The following KCND2 variants were observed in gnomAD, a reference collection of about 807,000 sequenced individuals.
KCND2 encodes A-type voltage-gated potassium channel KCND2.
Under a neutral mutation model 54.4 loss-of-function variants are expected in KCND2, and 16 were observed. The observed-to-expected ratio is 0.29, with a 90% CI of 0.20 to 0.45. The LOEUF is 0.45. Ranked by LOEUF, KCND2 falls within the 20% of genes least tolerant of loss-of-function variation. The probability of loss-of-function intolerance (pLI) is 1.00; values close to 1 mark genes in which losing one functional copy is unlikely to be tolerated. For missense variants in KCND2, 486 were observed against 824.2 expected (o/e 0.59, Z 5.02); for synonymous variants, 317 against 310.7 (o/e 1.02, Z -0.21).
At chr7:120,722,289 C>G (rs1361661922) in intron 1 of KCND2, among the ~76,000 whole-genome samples, 1 of 152,124 alleles carries the variant, frequency 6.6e-6, no homozygotes, top group Non-Finnish European at 1.5e-5. Context: ...AGTGAGAACA[C>G]CAGGCCTTTC....
intron 1 of KCND2, among the ~76,000 whole-genome samples, chr7:120,361,216 G>A (rs1245443198): frequency 6.6e-6 from 1 of 151,572 alleles, no homozygotes; most frequent in Non-Finnish European, 1.5e-5. Flanking sequence ...CCTTAACCTT[G>A]AAAAAAAGGG....
At chr7:120,679,272 T>C (rs539159948) in intron 1 of KCND2, among the ~76,000 whole-genome samples, 55 of 152,070 alleles carry the variant, frequency 3.6e-4, no homozygotes, top group African/African-American at 1.3e-3. Flanking sequence ...ATATGCTATT[T>C]CCAATGAGTT....
chr7:120,340,118 GACTT>G (rs768003123), intron 1 of KCND2, among the ~76,000 whole-genome samples: 63 of 152,276 alleles, frequency 4.1e-4, no homozygotes, highest in Admixed American at 8.5e-4. Flanking sequence ...GCAGAAGAGA[GACTT>G]ACATTACACA....
intron 1 of KCND2, among the ~76,000 whole-genome samples, chr7:120,545,624 A>G (rs1792033264): frequency 6.6e-6 from 1 of 151,760 alleles, no homozygotes; most frequent in Non-Finnish European, 1.5e-5. Context: ...TTTCTCATTG[A>G]TCTGATTTAA....
intron 1 of KCND2, among the ~76,000 whole-genome samples, chr7:120,489,814 G>T (rs1445834919): frequency 6.6e-6 from 1 of 152,110 alleles, no homozygotes; most frequent in Non-Finnish European, 1.5e-5. Context: ...TTGGAAACTT[G>T]AAGAAATTAG....
At chr7:120,536,656 A>T (rs536461728) in intron 1 of KCND2, among the ~76,000 whole-genome samples, 1 of 152,268 alleles carries the variant, frequency 6.6e-6, no homozygotes, top group South Asian at 2.1e-4. Flanking sequence ...TCTTTTGCTC[A>T]TCAATAAAAA....
At chr7:120,547,863 A>G (rs910373558) in intron 1 of KCND2, among the ~76,000 whole-genome samples, 11 of 151,850 alleles carry the variant, frequency 7.2e-5, no homozygotes, top group African/African-American at 2.7e-4. Context: ...AGCTTTCTTC[A>G]CCTTTGTATG....
At chr7:120,506,600 A>T (rs1039678285) in intron 1 of KCND2, among the ~76,000 whole-genome samples, 1 of 151,952 alleles carries the variant, frequency 6.6e-6, no homozygotes, top group Non-Finnish European at 1.5e-5. Context: ...CAGTCTATGG[A>T]AGTCATGGAA....
At chr7:120,606,752 A>T (rs1205132222) in intron 1 of KCND2, among the ~76,000 whole-genome samples, 1 of 151,924 alleles carries the variant, frequency 6.6e-6, no homozygotes, top group East Asian at 1.9e-4. Flanking sequence ...ATAAAAGATA[A>T]ATATATAATT....
At chr7:120,540,946 A>C (rs1296944907) in intron 1 of KCND2, among the ~76,000 whole-genome samples, 2 of 152,188 alleles carry the variant, frequency 1.3e-5, no homozygotes, top group Non-Finnish European at 2.9e-5. Context: ...TAGGCTATTC[A>C]TTTTTAAATG....
intron 1 of KCND2, among the ~76,000 whole-genome samples, chr7:120,300,709 A>G (rs1167716922): frequency 6.6e-6 from 1 of 152,090 alleles, no homozygotes; most frequent in Non-Finnish European, 1.5e-5. Flanking sequence ...GATCATCTAG[A>G]CACTTAACAT....
chr7:120,458,517 A>G (rs1802235348), intron 1 of KCND2, among the ~76,000 whole-genome samples: 1 of 152,208 alleles, frequency 6.6e-6, no homozygotes, highest in Non-Finnish European at 1.5e-5. Context: ...ACCCACAGAA[A>G]ATGGAAATGA....
intron 1 of KCND2, among the ~76,000 whole-genome samples, chr7:120,657,847 C>CA (rs543124528): frequency 0.012 from 1,739 of 144,456 alleles, 11 homozygotes; most frequent in Non-Finnish European, 0.016. Context: ...GACTGAATCT[C>CA]AAAAAAAAAA....
At chr7:120,657,858 G>A (rs1791822010) in intron 1 of KCND2, among the ~76,000 whole-genome samples, 1 of 151,042 alleles carries the variant, frequency 6.6e-6, no homozygotes, top group Non-Finnish European at 1.5e-5. Context: ...AAAAAAAAAA[G>A]AGAGAGAGAA....
At chr7:120,677,770 A>G (rs140888944) in intron 1 of KCND2, among the ~76,000 whole-genome samples, 64 of 152,048 alleles carry the variant, frequency 4.2e-4, no homozygotes, top group African/African-American at 1.3e-3. Context: ...TTTGCTTTCA[A>G]AATGCTGTTA....
At chr7:120,528,083 A>G (rs1562864511) in intron 1 of KCND2, among the ~76,000 whole-genome samples, 1 of 152,080 alleles carries the variant, frequency 6.6e-6, no homozygotes, top group Admixed American at 6.6e-5. Context: ...TCTTTCTGTG[A>G]TTTTATTACT....
At chr7:120,683,860 G>A (rs547418946) in intron 1 of KCND2, among the ~76,000 whole-genome samples, 1 of 152,016 alleles carries the variant, frequency 6.6e-6, no homozygotes, top group African/African-American at 2.4e-5. Flanking sequence ...TTTCAGAGAT[G>A]CATGGACTTG....
chr7:120,618,400 G>C (rs1368240349), intron 1 of KCND2, among the ~76,000 whole-genome samples: 1 of 152,066 alleles, frequency 6.6e-6, no homozygotes, highest in Non-Finnish European at 1.5e-5. Context: ...TAATGTATTT[G>C]TCTTCATCCT....
intron 1 of KCND2, among the ~76,000 whole-genome samples, chr7:120,517,875 A>G (rs1003123562): frequency 6.6e-6 from 1 of 152,136 alleles, no homozygotes; most frequent in African/African-American, 2.4e-5. Flanking sequence ...TTGTCATGTA[A>G]TACATCGTTT....
Sources: gnomAD v4.1 joint callset for allele counts (sites outside exome capture counted in the v4.1 genomes callset) on GRCh38, gnomAD v4.1.1 for gene constraint, MANE v1.5 for transcripts, NCBI Gene and HGNC (gene_info 2026-07-23, HGNC 2026-07-21) for gene names.